The following CSMD1 variants were observed in gnomAD, a reference collection of about 807,000 sequenced individuals.
CSMD1 encodes the protein CUB and sushi domain-containing protein 1.
CSMD1 carries 213 observed loss-of-function variants against 417.5 expected under a neutral mutation model. The observed-to-expected ratio is 0.51, with a 90% CI of 0.46 to 0.57. The LOEUF is 0.57. Ranked by LOEUF, CSMD1 falls within the 20% of genes least tolerant of loss-of-function variation. The pLI, the probability that CSMD1 is intolerant of heterozygous loss-of-function variation, is 0.00. For synonymous variants in CSMD1, 2,862 were observed against 1,736.8 expected (o/e 1.65, Z -16.11); for missense variants, 6,923 against 4,529.7 (o/e 1.53, Z -15.17).
At chr8:3,798,588 T>C (rs1800291042) in intron 5 of CSMD1, among the ~76,000 whole-genome samples, 2 of 152,062 alleles carry the variant, frequency 1.3e-5, no homozygotes, top group Admixed American at 1.3e-4. Flanking sequence ...AAAAGGCAAT[T>C]ATAAATAAAA....
intron 1 of CSMD1, among the ~76,000 whole-genome samples, chr8:4,938,399 C>G (rs1339565739): frequency 6.6e-6 from 1 of 152,116 alleles, no homozygotes; most frequent in Non-Finnish European, 1.5e-5. Flanking sequence ...AAATATGACT[C>G]CATGCCCACT....
chr8:3,578,493 C>G (rs1322635469), intron 9 of CSMD1, among the ~76,000 whole-genome samples: 2 of 152,170 alleles, frequency 1.3e-5, no homozygotes, highest in African/African-American at 4.8e-5. Context: ...CTGCCATTAT[C>G]TTATCTAAAA....
intron 6 of CSMD1, among the ~76,000 whole-genome samples, chr8:3,738,497 T>G (rs1049720100): frequency 6.6e-6 from 1 of 152,216 alleles, no homozygotes; most frequent in African/African-American, 2.4e-5. Context: ...GTTAGAGTTT[T>G]GATCCTGGTG....
chr8:4,835,357 G>C (rs149479612), intron 1 of CSMD1, among the ~76,000 whole-genome samples: 1 of 152,176 alleles, frequency 6.6e-6, no homozygotes, highest in African/African-American at 2.4e-5. Flanking sequence ...TAATATTCCA[G>C]AAAGATTCTG....
chr8:3,786,298 G>C (rs1409715450), intron 5 of CSMD1, among the ~76,000 whole-genome samples: 2 of 152,158 alleles, frequency 1.3e-5, no homozygotes, highest in African/African-American at 4.8e-5. Context: ...AGAGACCTGA[G>C]GGTGGAGACA....
At chr8:4,785,931 A>G (rs373223917) in intron 1 of CSMD1, among the ~76,000 whole-genome samples, 2 of 152,178 alleles carry the variant, frequency 1.3e-5, no homozygotes, top group Non-Finnish European at 2.9e-5. Context: ...CTCCTCAGTC[A>G]TGCCCCTGAA....
chr8:4,539,933 T>G (rs1049198301), intron 2 of CSMD1, among the ~76,000 whole-genome samples: 4 of 152,126 alleles, frequency 2.6e-5, no homozygotes, highest in Non-Finnish European at 5.9e-5. Context: ...TCTCTTCCCA[T>G]CTACCCCAGC....
At chr8:3,763,352 G>A (rs1395267210) in intron 5 of CSMD1, among the ~76,000 whole-genome samples, 8 of 152,146 alleles carry the variant, frequency 5.3e-5, no homozygotes, top group Admixed American at 4.6e-4. Flanking sequence ...CATGGGGGCA[G>A]AACCCTCATG....
At chr8:4,526,475 G>A (rs1213797102) in intron 2 of CSMD1, among the ~76,000 whole-genome samples, 1 of 152,086 alleles carries the variant, frequency 6.6e-6, no homozygotes, top group Non-Finnish European at 1.5e-5. Flanking sequence ...TTTACATCAG[G>A]TAATTATTGT....
At chr8:4,939,009 G>C (rs928151660) in intron 1 of CSMD1, among the ~76,000 whole-genome samples, 1 of 152,094 alleles carries the variant, frequency 6.6e-6, no homozygotes, top group Non-Finnish European at 1.5e-5. Flanking sequence ...TTTCTATTGA[G>C]TCATAGGAAT....
intron 7 of CSMD1, among the ~76,000 whole-genome samples, chr8:3,671,270 A>G (rs993557039): frequency 8.8e-5 from 13 of 147,708 alleles, no homozygotes; most frequent in Admixed American, 8.2e-4. Flanking sequence ...ATATATATAT[A>G]TATGATGTGC....
In CSMD1 at chr8:4,937,974, G is replaced by C. The variant is rs533259245; in HGVS notation, c.85+56358C>G. 2.6e-5 allele frequency among the ~76,000 whole-genome samples: 4 copies of C among 152,208 alleles called. 1 individual carries two copies. Among genetic ancestry groups the C allele is most frequent in the African/African-American group, 9.6e-5 (4 of 41,518 alleles). On this transcript the variant is annotated intron_variant, in intron 1 of 69. Coordinates refer to ENST00000635120, the MANE Select transcript of CSMD1 (RefSeq NM_033225.6). ...TAATTTTAATCTGTTTTCAACAGTAGTTTTATTGGCCTTTGTGACTCATCC... is the reference window on the plus strand; with the variant it reads ...TAATTTTAATCTGTTTTCAACAGTACTTTTATTGGCCTTTGTGACTCATCC...
chr8:4,438,510 G>A (rs1411474811), intron 2 of CSMD1, among the ~76,000 whole-genome samples: 1 of 152,218 alleles, frequency 6.6e-6, no homozygotes, highest in Non-Finnish European at 1.5e-5. Context: ...GTAGGAAGAT[G>A]CAGGTGGAAG....
intron 4 of CSMD1, among the ~76,000 whole-genome samples, chr8:4,027,876 A>T (rs1478285098): frequency 1.3e-5 from 2 of 152,200 alleles, no homozygotes; most frequent in African/African-American, 2.4e-5. Flanking sequence ...AAAGAGAACA[A>T]AGACACAGTA....
rs568579532 is a variant in CSMD1, at chr8:4,116,762, C to A, written c.416-84663G>T. ...CGGCTACGTGGAGAGGCAGGGGGTG[C>A]GGGAAACTCTATAGTCTGTTCGGTT... On this transcript the variant is annotated intron_variant, in intron 3 of 69. Transcript: ENST00000635120. Among the ~76,000 whole-genome samples the A allele has an allele frequency of 2.6e-5, 4 of 151,916 alleles. 1 individual carries two copies. The highest frequency in any genetic ancestry group is 3.9e-4 in the East Asian group (2 of 5,150).
intron 1 of CSMD1, among the ~76,000 whole-genome samples, chr8:4,818,767 C>T (rs116364967): frequency 3.9e-5 from 6 of 152,206 alleles, no homozygotes; most frequent in Non-Finnish European, 7.3e-5. Flanking sequence ...AATAGCTACA[C>T]ATCGCTTGGT....
chr8:4,588,806 A>ACACACACACACACAC (rs1563313415), intron 2 of CSMD1, among the ~76,000 whole-genome samples: 8 of 150,988 alleles, frequency 5.3e-5, no homozygotes, highest in Middle Eastern at 3.4e-3. Flanking sequence ...ACACACACAC[A>ACACACACACACACAC]AAAGAAACTC....
intron 50 of CSMD1, among the ~76,000 whole-genome samples, chr8:3,038,929 T>C (rs914258303): frequency 1.3e-4 from 20 of 152,290 alleles, no homozygotes; most frequent in African/African-American, 4.8e-4. Flanking sequence ...AACCAGCAGT[T>C]GGCATCTGAG....
At chr8:3,215,951 T>C (rs376020501) in intron 29 of CSMD1, among the ~76,000 whole-genome samples, 480 of 150,906 alleles carry the variant, frequency 3.2e-3, no homozygotes, top group African/African-American at 0.011. Flanking sequence ...ATTGACTTAA[T>C]CATCGTATAC....
Sources: gnomAD v4.1 joint callset for allele counts (sites outside exome capture counted in the v4.1 genomes callset) on GRCh38, gnomAD v4.1.1 for gene constraint, MANE v1.5 for transcripts, NCBI Gene and HGNC (gene_info 2026-07-23, HGNC 2026-07-21) for gene names.